Variants in IRAK3 observed in about 807,000 individuals in gnomAD.
IRAK3 encodes interleukin 1 receptor associated kinase 3.
In IRAK3, 57 loss-of-function variants were observed where a neutral mutation model predicts 56.6. That is an observed-to-expected ratio of 1.01 (90% CI 0.81 to 1.26). The LOEUF is 1.26. IRAK3 is among the 50% of genes most tolerant of loss of function. The pLI, the probability that IRAK3 is intolerant of heterozygous loss-of-function variation, is 0.00. For synonymous variants in IRAK3, 258 were observed against 255.7 expected (o/e 1.01, Z -0.09); for missense variants, 703 against 719.0 (o/e 0.98, Z 0.25).
chr12:66,218,983 T>C (rs2052704441), intron 6 of IRAK3, among the ~76,000 whole-genome samples: 1 of 152,198 alleles, frequency 6.6e-6, no homozygotes, highest in Non-Finnish European at 1.5e-5. Context: ...TCATCCATGT[T>C]GTTGGAAATG....
intron 1 of IRAK3, chr12:66,197,980 A>C (rs1017283943): frequency 5.1e-6 from 5 of 985,248 alleles, no homozygotes; most frequent in Non-Finnish European, 6.0e-6. Flanking sequence ...ATTCCCTGGG[A>C]CTTGAAATGT....
In IRAK3 at chr12:66,253,906, T is replaced by TTA. The variant is rs1430756203; in HGVS notation, c.*5736_*5737insAT. On this transcript the variant is annotated 3_prime_UTR_variant, in exon 12 of 12. Coordinates refer to ENST00000261233, the MANE Select transcript of IRAK3 (RefSeq NM_007199.3). ...GAGAATACAAACCAAAAACACTTTA[T>TTA]TCAAGTCCAGGAAATATCTGCCTTG... 3.3e-5 allele frequency: 5 copies of TTA among 152,228 alleles called. No homozygotes were observed. The highest frequency in any genetic ancestry group is 1.2e-4 in the African/African-American group (5 of 41,466). 9.4% of individuals were successfully genotyped at this position (152,228 alleles called of 1,614,324 possible). A position where few individuals can be genotyped will look rare whatever the true frequency, so the allele number is the denominator to read the frequency against.
rs1180392476 is a variant in IRAK3 at position 66,248,828 on chromosome 12, T to C, written c.*657T>C. ...CTGTATTGACTATTATTACAGCTTT[T>C]TAAAAACAGACTTAGTGACCTATTA... On this transcript the variant is annotated 3_prime_UTR_variant, in exon 12 of 12. Coordinates refer to ENST00000261233, the MANE Select transcript of IRAK3 (RefSeq NM_007199.3). 8 of 152,240 alleles carry C rather than the reference T, an allele frequency of 5.3e-5. No homozygotes were observed. In the East Asian group the frequency reaches 1.5e-3, roughly 29 times the overall value. 9.4% of individuals were successfully genotyped at this position (152,240 alleles called of 1,614,324 possible). A position where few individuals can be genotyped will look rare whatever the true frequency, so the allele number is the denominator to read the frequency against.
chr12:66,232,310 A>C (rs1270142785), intron 8 of IRAK3, among the ~76,000 whole-genome samples: 1 of 152,156 alleles, frequency 6.6e-6, no homozygotes, highest in Admixed American at 6.5e-5. Context: ...TTTGTTTGAG[A>C]ACTGTGGTTT....
rs764510597 is a variant in IRAK3, at chr12:66,210,139, T to A, written c.382-8T>A. The A allele has an allele frequency of 6.4e-7, 1 of 1,557,728 alleles. No homozygotes were observed. The highest frequency in any genetic ancestry group is 1.1e-5 in the South Asian group (1 of 89,840). ...TGGAATTACTTTAGTATATATTTCT[T>A]CTCTTAGGAAACAGCCAATGTCACC... On this transcript the variant is annotated splice_region_variant and splice_polypyrimidine_tract_variant and intron_variant, in intron 3 of 11. Coordinates refer to ENST00000261233, the MANE Select transcript of IRAK3 (RefSeq NM_007199.3).
chr12:66,244,369 T>C (rs2053004651), intron 8 of IRAK3, 117 bp from the exon 9 acceptor site: 2 of 749,686 alleles, frequency 2.7e-6, no homozygotes. Context: ...TGTTTGGCTT[T>C]ATTTTGACAG....
chr12:66,189,453 C>G lies in IRAK3; in HGVS notation c.133+21C>G, dbSNP rs945814960. 2.0e-4 allele frequency: 225 copies of G among 1,142,724 alleles called. No individual in the cohort carries two copies. The African/African-American group carries it at 3.3e-3, about 17-fold the overall frequency. The allele number at this position is 1,142,724 out of a possible 1,614,324, so 70.8% of individuals were successfully genotyped here. Reference sequence around the variant, plus strand: ...CCTGGGTGAGTCGGCGGGGACCGGCCGGGGGCGGCGGGGGAGCCCAGCGCG... The same window carrying G: ...CCTGGGTGAGTCGGCGGGGACCGGCGGGGGGCGGCGGGGGAGCCCAGCGCG... On this transcript the variant is annotated intron_variant, in intron 1 of 11. Coordinates refer to ENST00000261233, the MANE Select transcript of IRAK3 (RefSeq NM_007199.3).
chr12:66,204,777 C>T (rs567918099), intron 2 of IRAK3, among the ~76,000 whole-genome samples: 215 of 91,004 alleles, frequency 2.4e-3, no homozygotes, highest in African/African-American at 9.8e-3. Flanking sequence ...TGAGCCCTTG[C>T]GCACACACAC....
intron 6 of IRAK3, among the ~76,000 whole-genome samples, chr12:66,221,595 T>G (rs973692021): frequency 2.6e-5 from 4 of 152,244 alleles, no homozygotes; most frequent in African/African-American, 9.6e-5. Context: ...TATCAAATGC[T>G]TTTGCATTTG....
At chr12:66,220,320 T>C (rs1307908118) in intron 6 of IRAK3, among the ~76,000 whole-genome samples, 1 of 152,056 alleles carries the variant, frequency 6.6e-6, no homozygotes, top group Non-Finnish European at 1.5e-5. Context: ...TCTTCTGTTG[T>C]ATATTCTTGG....
chr12:66,243,336 G>T (rs1209954100), intron 8 of IRAK3, among the ~76,000 whole-genome samples: 2 of 152,326 alleles, frequency 1.3e-5, no homozygotes, highest in Middle Eastern at 3.4e-3. Context: ...AATTTGTTCA[G>T]AATTAAGAAC....
intron 1 of IRAK3, among the ~76,000 whole-genome samples, chr12:66,191,601 C>A (rs1236300754): frequency 1.3e-5 from 2 of 152,128 alleles, no homozygotes; most frequent in Admixed American, 1.3e-4. Context: ...CTGAGCTGGC[C>A]CTGACCAGGT....
chr12:66,234,919 G>A, intron 8 of IRAK3: 1 of 1,614,162 alleles, frequency 6.2e-7, no homozygotes, highest in Non-Finnish European at 8.5e-7. Context: ...GAACCCCACT[G>A]GCCTTCAGGG....
intron 6 of IRAK3, 73 bp downstream of exon 6, chr12:66,217,308 G>A: frequency 9.1e-7 from 1 of 1,100,762 alleles, no homozygotes; most frequent in Non-Finnish European, 1.4e-6. Context: ...TTATTTTACA[G>A]CACAGAGCTT....
chr12:66,234,943 T>G, intron 8 of IRAK3: 7 of 1,614,154 alleles, frequency 4.3e-6, no homozygotes, highest in Non-Finnish European at 5.9e-6. Flanking sequence ...ACACAGCTTT[T>G]TGAGCTGCTG....
intron 5 of IRAK3, among the ~76,000 whole-genome samples, chr12:66,213,855 G>A (rs114373845): frequency 0.011 from 1,605 of 151,656 alleles, 23 homozygotes; most frequent in African/African-American, 0.036. Flanking sequence ...AAGAGTATCT[G>A]GCCAGAGTAA....
At chr12:66,246,808 A>G (rs955947795) in intron 11 of IRAK3, among the ~76,000 whole-genome samples, 1 of 152,292 alleles carries the variant, frequency 6.6e-6, no homozygotes, top group Middle Eastern at 3.4e-3. Context: ...ATATGAAGGT[A>G]TGTTGTATGG....
Position 66,245,282 on chromosome 12 carries a change from T to C in IRAK3, c.1314+20T>C, listed in dbSNP as rs769344315. 1.9e-6 allele frequency: 3 copies of C among 1,613,020 alleles called. No individual in the cohort carries two copies. The Admixed American group carries it at 5.0e-5, about 27-fold the overall frequency. ...GATGAAGTGAGTATATACATGGTTT[T>C]ATTCAAAACTGAGCCCACAGAACCA... On this transcript the variant is annotated intron_variant, in intron 11 of 11. Coordinates refer to ENST00000261233, the MANE Select transcript of IRAK3 (RefSeq NM_007199.3).
At chr12:66,247,403 G>A (rs1160388526) in intron 11 of IRAK3, among the ~76,000 whole-genome samples, 1 of 152,176 alleles carries the variant, frequency 6.6e-6, no homozygotes, top group African/African-American at 2.4e-5. Context: ...AGTAAAAAAT[G>A]TAGAGACTTG....
Sources: allele counts gnomAD v4.1 joint callset (sites outside exome capture counted in the v4.1 genomes callset), GRCh38; gene constraint gnomAD v4.1.1; transcripts MANE v1.5; gene names NCBI Gene and HGNC (gene_info 2026-07-23, HGNC 2026-07-21).